Variants in KCNQ1 observed in about 807,000 individuals in gnomAD.
The protein encoded by KCNQ1 is potassium voltage-gated channel subfamily KQT member 1.
KCNQ1 carries 49 observed loss-of-function variants against 72.4 expected under a neutral mutation model. The ratio of observed to expected loss-of-function variants is 0.68; its 90% CI spans 0.54 to 0.86. The LOEUF (loss-of-function observed/expected upper bound fraction) is 0.86, where lower values mean the gene tolerates loss of function less well. KCNQ1 is among the 40% of genes least tolerant of loss of function. KCNQ1 has a pLI of 0.00. For missense variants in KCNQ1, 790 were observed against 945.1 expected (o/e 0.84, Z 2.15); for synonymous variants, 450 against 412.6 (o/e 1.09, Z -1.10).
At chr11:2,786,214 G>C (rs1449132842) in intron 15 of KCNQ1, among the ~76,000 whole-genome samples, 1 of 151,968 alleles carries the variant, frequency 6.6e-6, no homozygotes, top group Non-Finnish European at 1.5e-5. Flanking sequence ...TAAAATTATA[G>C]GCCTTAGGTT....
chr11:2,727,514 G>A (rs1367493125), intron 11 of KCNQ1, among the ~76,000 whole-genome samples: 2 of 152,182 alleles, frequency 1.3e-5, no homozygotes, highest in Non-Finnish European at 2.9e-5. Flanking sequence ...GGTTGCCTGA[G>A]CTTAACAGAA....
In KCNQ1 at chr11:2,808,851, T is replaced by C. The variant is rs536578858; in HGVS notation, c.1794+30814T>C. On this transcript the variant is annotated intron_variant, in intron 15 of 15. Transcript: ENST00000155840. This position sits in a 1 kb window ranked among gnomAD's most constrained non-coding sequence, Gnocchi z 6.0. ...GATGGACAGATTGTTGTATGGAGGA[T>C]TAGGGGAGGGATAAATGGATGGATG... Among the ~76,000 whole-genome samples, 1 of 151,930 alleles carries C rather than the reference T, an allele frequency of 6.6e-6. No individual in the cohort carries two copies. Among genetic ancestry groups the C allele is most frequent in the Admixed American group, 6.5e-5 (1 of 15,272 alleles).
At chr11:2,587,301 G>T (rs1848605506) in intron 8 of KCNQ1, among the ~76,000 whole-genome samples, 1 of 152,216 alleles carries the variant, frequency 6.6e-6, no homozygotes, top group African/African-American at 2.4e-5. Flanking sequence ...CTCAGGGCTG[G>T]TAAAGACCTC....
chr11:2,709,005 A>C (rs1850958439), intron 11 of KCNQ1, among the ~76,000 whole-genome samples: 1 of 152,030 alleles, frequency 6.6e-6, no homozygotes, highest in Admixed American at 6.5e-5. Context: ...CATATGTTTA[A>C]AAGAGCTGAG....
chr11:2,584,939 C>T (rs1417259254), intron 7 of KCNQ1, among the ~76,000 whole-genome samples: 1 of 152,210 alleles, frequency 6.6e-6, no homozygotes. Context: ...ACCAGCCCAC[C>T]TGGCCCCCAG....
At position 2,674,271 on chromosome 11, in the gene KCNQ1, C is replaced by T. The variant is rs1850246578; in HGVS notation, c.1514+12190C>T. 5.0e-6 allele frequency: 2 copies of T among 398,584 alleles called. No homozygotes were observed. The highest frequency in any genetic ancestry group is 2.1e-5 in the African/African-American group (1 of 48,620). 24.7% of individuals were successfully genotyped at this position (398,584 alleles called of 1,614,324 possible). On this transcript the variant is annotated intron_variant, in intron 11 of 15. Transcript: ENST00000155840. This position sits in a 1 kb window ranked among gnomAD's most constrained non-coding sequence, Gnocchi z 5.9. ...GGCCCCTCTCTCCCAGCCCCCGGCA[C>T]ACACACTAGGACCTTTCTTCATCAT...
rs140541492 is a variant in KCNQ1, at chr11:2,592,179, G to A, written c.1393+3325G>A. ...ACCTGCACACAAGCCCCTTCAGCTC[G>A]TGCTCTAGCTGGTGCTGTGCGGTGT... is the stretch of plus-strand genomic sequence containing the variant. On this transcript the variant is annotated intron_variant, in intron 10 of 15. Coordinates refer to ENST00000155840, the MANE Select transcript of KCNQ1 (RefSeq NM_000218.3). This position sits in a 1 kb window ranked among gnomAD's most constrained non-coding sequence, Gnocchi z 5.2. Among the ~76,000 whole-genome samples the A allele has an allele frequency of 3.9e-3, 594 of 152,348 alleles. No individual in the cohort carries two copies. The highest frequency in any genetic ancestry group is 0.012 in the African/African-American group (487 of 41,590).
intron 10 of KCNQ1, chr11:2,628,688 T>C (rs1849300876): frequency 2.5e-6 from 1 of 398,322 alleles, no homozygotes; most frequent in African/African-American, 2.1e-5. Context: ...GCTTTTGATG[T>C]CACATCTAAA....
chr11:2,789,069 T>C (rs1036737261), intron 15 of KCNQ1, among the ~76,000 whole-genome samples: 2 of 152,082 alleles, frequency 1.3e-5, no homozygotes, highest in African/African-American at 2.4e-5. Flanking sequence ...AACTTCAGGC[T>C]ACCCCCAAAG....
intron 2 of KCNQ1, among the ~76,000 whole-genome samples, chr11:2,568,941 A>G (rs1564819454): frequency 1.3e-5 from 2 of 152,126 alleles, no homozygotes; most frequent in African/African-American, 2.4e-5. Flanking sequence ...CTGGAGTACA[A>G]TGGTGTGATC....
chr11:2,472,705 C>A (rs77993208), intron 1 of KCNQ1, among the ~76,000 whole-genome samples: 129 of 152,176 alleles, frequency 8.5e-4, no homozygotes, highest in African/African-American at 3.1e-3. Context: ...TCCCTGCCTG[C>A]TATGACCTCA....
rs1849266749 is a variant in KCNQ1 at position 2,626,634 on chromosome 11, T to A, written c.1394-35327T>A. On this transcript the variant is annotated intron_variant, in intron 10 of 15. Coordinates refer to ENST00000155840, the MANE Select transcript of KCNQ1 (RefSeq NM_000218.3). This position sits in a 1 kb window ranked among gnomAD's most constrained non-coding sequence, Gnocchi z 4.0. ...ACCTCAATCTCCCAGGCTCAAGCAA[T>A]CCTCCCACCTCGGCTTCTTGAGTAG... 1 of 398,490 alleles carries A rather than the reference T, an allele frequency of 2.5e-6. No homozygotes were observed. Among genetic ancestry groups the A allele is most frequent in the South Asian group, 1.3e-4 (1 of 7,852 alleles). The allele number at this position is 398,490 out of a possible 1,614,324, so 24.7% of individuals were successfully genotyped here.
chr11:2,666,602 A>G, intron 11 of KCNQ1: 1 of 398,656 alleles, frequency 2.5e-6, no homozygotes, highest in Non-Finnish European at 4.4e-6. Context: ...GTCTGGAAAT[A>G]AGGGCAAACG....
At position 2,827,420 on chromosome 11, in the gene KCNQ1, A is replaced by C. The variant is rs1847860977; in HGVS notation, c.1795-20347A>C. On this transcript the variant is annotated intron_variant, in intron 15 of 15. Transcript: ENST00000155840. This position sits in a 1 kb window ranked among gnomAD's most constrained non-coding sequence, Gnocchi z 6.7. Reference sequence around the variant, plus strand: ...CTCCTGCATTCACCATCACATCTGCATTCCAGCAGCAGGAGGGAGGTAAAA... The same window carrying C: ...CTCCTGCATTCACCATCACATCTGCCTTCCAGCAGCAGGAGGGAGGTAAAA... Among the ~76,000 whole-genome samples the C allele has an allele frequency of 6.6e-6, 1 of 152,122 alleles. No individual in the cohort carries two copies. Among genetic ancestry groups the C allele is most frequent in the Admixed American group, 6.5e-5 (1 of 15,274 alleles).
Position 2,705,201 on chromosome 11 carries a change from AC to A in KCNQ1, c.1514+43121del, listed in dbSNP as rs751627290. ...TTAGGGTCACTCCCAGCCTGTCCTC[AC>A]AGGCAGATTTGCGTTCCTGCATTTG... On this transcript the variant is annotated intron_variant, in intron 11 of 15. Coordinates refer to ENST00000155840, the MANE Select transcript of KCNQ1 (RefSeq NM_000218.3). 2.0e-5 allele frequency among the ~76,000 whole-genome samples: 3 copies of A among 152,266 alleles called. No homozygotes were observed. The East Asian group carries it at 5.8e-4, about 29-fold the overall frequency.
intron 11 of KCNQ1, chr11:2,685,543 T>C (rs974129278): frequency 5.0e-6 from 2 of 398,574 alleles, no homozygotes; most frequent in Non-Finnish European, 8.8e-6. Flanking sequence ...AGTGGGAGGA[T>C]CTGCAGATGA....
Position 2,626,851 on chromosome 11 carries a change from AGT to A in KCNQ1, c.1394-35106_1394-35105del. On this transcript the variant is annotated intron_variant, in intron 10 of 15. Coordinates refer to ENST00000155840, the MANE Select transcript of KCNQ1 (RefSeq NM_000218.3). The surrounding 1 kb of genome is among the most constrained non-coding windows in gnomAD (Gnocchi z 4.0). ...CCTGTAGTAAGTTTTCAAATCAGAA[AGT>A]GTGAGTCCTCCAATGTTGTTCATCA... The A allele has an allele frequency of 5.0e-6, 2 of 398,600 alleles. No individual in the cohort carries two copies. The highest frequency in any genetic ancestry group is 7.1e-5 in the East Asian group (2 of 28,078). 24.7% of individuals were successfully genotyped at this position (398,600 alleles called of 1,614,324 possible).
intron 2 of KCNQ1, among the ~76,000 whole-genome samples, chr11:2,556,565 C>T (rs1188482379): frequency 6.6e-6 from 1 of 152,154 alleles, no homozygotes; most frequent in Non-Finnish European, 1.5e-5. Context: ...ACAGAAATCG[C>T]GTGGCCTGCA....
At chr11:2,675,880 G>A (rs1347645346) in intron 11 of KCNQ1, 9 of 398,566 alleles carry the variant, frequency 2.3e-5, no homozygotes, top group African/African-American at 6.2e-5. Context: ...GGAGCCAATC[G>A]TGCTTTATGT....
Sources: allele counts gnomAD v4.1 joint callset (sites outside exome capture counted in the v4.1 genomes callset), GRCh38; gene constraint gnomAD v4.1.1; non-coding constraint Gnocchi (gnomAD v3.1); transcripts MANE v1.5; gene names NCBI Gene and HGNC (gene_info 2026-07-23, HGNC 2026-07-21).